The following PHLPP2 variants were observed in gnomAD, a reference collection of about 807,000 sequenced individuals.
PHLPP2 encodes the protein PH domain leucine-rich repeat-containing protein phosphatase 2.
Under a neutral mutation model 124.9 loss-of-function variants are expected in PHLPP2, and 66 were observed. The ratio of observed to expected loss-of-function variants is 0.53; its 90% CI spans 0.43 to 0.65. PHLPP2 has a LOEUF of 0.65. Among genes scored for constraint, PHLPP2 ranks in the 30% least tolerant of loss-of-function variants. The probability of loss-of-function intolerance (pLI) is 0.00; values close to 1 mark genes in which losing one functional copy is unlikely to be tolerated. For missense variants in PHLPP2, 1,685 were observed against 1,600.4 expected (o/e 1.05, Z -0.90); for synonymous variants, 681 against 624.7 (o/e 1.09, Z -1.34).
Position 71,672,364 on chromosome 16 carries a change from A to C in PHLPP2, c.1472-42T>G, listed in dbSNP as rs767777885. The C allele has an allele frequency of 7.7e-6, 11 of 1,425,918 alleles. No individual in the cohort carries two copies. The South Asian group carries it at 1.3e-4, about 16-fold the overall frequency. 88.3% of individuals were successfully genotyped at this position (1,425,918 alleles called of 1,614,324 possible). ...CAGGTGTTAGTGACATCCTCTAAAAAAGAAAGTAACTGAGAGCTGACAATG... is the reference window on the plus strand; with the variant it reads ...CAGGTGTTAGTGACATCCTCTAAAACAGAAAGTAACTGAGAGCTGACAATG... On this transcript the variant is annotated intron_variant, in intron 9 of 18. Coordinates refer to ENST00000568954, the MANE Select transcript of PHLPP2 (RefSeq NM_015020.3).
At chr16:71,686,122 A>G (rs2145347561) in intron 4 of PHLPP2, among the ~76,000 whole-genome samples, 1 of 152,288 alleles carries the variant, frequency 6.6e-6, no homozygotes, top group East Asian at 1.9e-4. Flanking sequence ...ACACACAAAA[A>G]AGTCCTTTTG....
chr16:71,671,729 G>A (rs991279655), intron 10 of PHLPP2, among the ~76,000 whole-genome samples: 1 of 151,734 alleles, frequency 6.6e-6, no homozygotes, highest in Non-Finnish European at 1.5e-5. Flanking sequence ...CCTGGCTAAT[G>A]CAGTGAAACC....
intron 3 of PHLPP2, chr16:71,698,754 T>C (rs942538558): frequency 7.2e-5 from 19 of 265,324 alleles, no homozygotes; most frequent in Admixed American, 5.1e-4. Flanking sequence ...CTACTCAACT[T>C]GACTTTAGTG....
chr16:71,650,313 G>A (rs2044687512), intron 18 of PHLPP2, among the ~76,000 whole-genome samples: 1 of 152,182 alleles, frequency 6.6e-6, no homozygotes, highest in Admixed American at 6.5e-5. Context: ...ATGAAGAACA[G>A]GCCTCAGTAT....
At chr16:71,659,790 A>G (rs1285669051) in intron 13 of PHLPP2, among the ~76,000 whole-genome samples, 1 of 152,244 alleles carries the variant, frequency 6.6e-6, no homozygotes, top group South Asian at 2.1e-4. Flanking sequence ...TTATTGGTTT[A>G]AAAATTACAA....
chr16:71,663,363 G>A (rs1421911650), intron 13 of PHLPP2, among the ~76,000 whole-genome samples: 1 of 152,182 alleles, frequency 6.6e-6, no homozygotes, highest in Non-Finnish European at 1.5e-5. Flanking sequence ...CGCCCGCCTT[G>A]GCCTCCCAAA....
intron 2 of PHLPP2, among the ~76,000 whole-genome samples, chr16:71,707,383 G>A (rs2045283785): frequency 6.6e-6 from 1 of 152,032 alleles, no homozygotes; most frequent in African/African-American, 2.4e-5. Context: ...TGTTATTCAT[G>A]ACCCCCTTGG....
At chr16:71,692,076 T>C (rs2045118942) in intron 3 of PHLPP2, among the ~76,000 whole-genome samples, 1 of 147,652 alleles carries the variant, frequency 6.8e-6, no homozygotes, top group South Asian at 2.1e-4. Flanking sequence ...TATTACATAA[T>C]TTTTTTTTTT....
At position 71,647,911 on chromosome 16, in the gene PHLPP2, A is replaced by T. The variant is rs1200499462; in HGVS notation, c.*979T>A. The T allele has an allele frequency of 1.3e-5, 2 of 152,570 alleles. No individual in the cohort carries two copies. The highest frequency in any genetic ancestry group is 4.8e-5 in the African/African-American group (2 of 41,426). 9.5% of individuals were successfully genotyped at this position (152,570 alleles called of 1,614,324 possible). ...CTATACCCTCGAATAAGTCTCCAAC[A>T]CCCAGTTCTCTCTCTGCCTATGGAT... is the stretch of plus-strand genomic sequence containing the variant. On this transcript the variant is annotated 3_prime_UTR_variant, in exon 19 of 19. Coordinates refer to ENST00000568954, the MANE Select transcript of PHLPP2 (RefSeq NM_015020.3).
chr16:71,676,676 T>C, intron 8 of PHLPP2, 27 bp from the exon 9 acceptor site: 1 of 1,499,042 alleles, frequency 6.7e-7, no homozygotes, highest in Non-Finnish European at 9.3e-7. Flanking sequence ...AAGAAAATAA[T>C]CATAAATAAG....
chr16:71,684,480 G>T lies in PHLPP2; in HGVS notation c.731C>A (p.Ser244Tyr), dbSNP rs2045034408. Reference sequence around the variant, plus strand: ...GAACATCCCATTACTTTTCACCTTGGATGCTTGCCGTTGCCATCGCTGGTA... The same window carrying T: ...GAACATCCCATTACTTTTCACCTTGTATGCTTGCCGTTGCCATCGCTGGTA... ...AEYQRWQRQASKVVSQRISTV... is the reference protein window; with the variant it reads ...AEYQRWQRQAYKVVSQRISTV... The change falls in exon 5 of 19, where the codon TCC becomes TAC. Residue 244 changes from serine to tyrosine, a missense_variant. Ser to Tyr is a moderately radical substitution (Grantham distance 144, BLOSUM62 -2). Transcript: ENST00000568954. The T allele has an allele frequency of 6.2e-7, 1 of 1,613,640 alleles. No homozygotes were observed. The highest frequency in any genetic ancestry group is 8.5e-7 in the Non-Finnish European group (1 of 1,179,900).
chr16:71,687,887 C>T (rs2045068728), intron 4 of PHLPP2, among the ~76,000 whole-genome samples: 1 of 152,092 alleles, frequency 6.6e-6, no homozygotes, highest in South Asian at 2.1e-4. Context: ...CTGAAGGATT[C>T]TTTTATAGTT....
chr16:71,661,330 C>T (rs1490258800), intron 13 of PHLPP2, among the ~76,000 whole-genome samples: 1 of 152,120 alleles, frequency 6.6e-6, no homozygotes, highest in African/African-American at 2.4e-5. Flanking sequence ...CTCAGCTTCC[C>T]AAAGTGCTGG....
intron 4 of PHLPP2, among the ~76,000 whole-genome samples, chr16:71,688,474 TTC>T (rs1278116340): frequency 6.6e-6 from 1 of 152,208 alleles, no homozygotes; most frequent in Non-Finnish European, 1.5e-5. Context: ...TGTTCTTCCA[TTC>T]TCTCTTAGAA....
At position 71,658,936 on chromosome 16, in the gene PHLPP2, G is replaced by A. The variant is rs2044765036; in HGVS notation, c.1986-121C>T. The A allele has an allele frequency of 1.2e-5, 10 of 825,798 alleles. No individual in the cohort carries two copies. The Admixed American group carries it at 2.1e-4, about 17-fold the overall frequency. 51.2% of individuals were successfully genotyped at this position (825,798 alleles called of 1,614,324 possible). A position where few individuals can be genotyped will look rare whatever the true frequency, so the allele number is the denominator to read the frequency against. On this transcript the variant is annotated intron_variant, in intron 13 of 18. Coordinates refer to ENST00000568954, the MANE Select transcript of PHLPP2 (RefSeq NM_015020.3). ...CACGGTCCACTGCCAGATGACTGGT[G>A]AGAAATGAAACCGATACCAGGAATA... is the stretch of plus-strand genomic sequence containing the variant.
intron 3 of PHLPP2, among the ~76,000 whole-genome samples, chr16:71,700,404 C>G (rs1410689212): frequency 6.9e-6 from 1 of 144,554 alleles, no homozygotes; most frequent in Non-Finnish European, 1.5e-5. Flanking sequence ...TACCCTGTCT[C>G]AAAAAAAATA....
At chr16:71,712,090 A>C (rs2045328168) in intron 2 of PHLPP2, among the ~76,000 whole-genome samples, 1 of 152,266 alleles carries the variant, frequency 6.6e-6, no homozygotes, top group Non-Finnish European at 1.5e-5. Context: ...AAAAGCAACG[A>C]TACTACCTCC....
At chr16:71,673,623 C>T (rs2044914848) in intron 9 of PHLPP2, among the ~76,000 whole-genome samples, 1 of 152,136 alleles carries the variant, frequency 6.6e-6, no homozygotes, top group Admixed American at 6.5e-5. Context: ...ATCCTGGTGA[C>T]TTTTTCATGT....
At chr16:71,684,385 C>CA in intron 5 of PHLPP2, 91 bp downstream of exon 5, 2 of 1,370,114 alleles carry the variant, frequency 1.5e-6, no homozygotes, top group Non-Finnish European at 2.0e-6. Context: ...CTCGGCCTCC[C>CA]AAAGTGCTGG....
Sources: allele counts gnomAD v4.1 joint callset (sites outside exome capture counted in the v4.1 genomes callset), GRCh38; gene constraint gnomAD v4.1.1; transcripts MANE v1.5; gene names NCBI Gene and HGNC (gene_info 2026-07-23, HGNC 2026-07-21).